CNTNAP2: variants seen among roughly 807,000 people sequenced by gnomAD.
CNTNAP2 encodes the protein contactin-associated protein-like 2.
A neutral mutation model predicts 155.2 loss-of-function variants in CNTNAP2; 98 were observed. The observed-to-expected ratio is 0.63, with a 90% CI of 0.54 to 0.75. The LOEUF (loss-of-function observed/expected upper bound fraction) is 0.75, where lower values mean the gene tolerates loss of function less well. Among genes scored for constraint, CNTNAP2 ranks in the 30% least tolerant of loss-of-function variants. The pLI, the probability that CNTNAP2 is intolerant of heterozygous loss-of-function variation, is 0.00. For synonymous variants in CNTNAP2, 651 were observed against 631.2 expected, an observed-to-expected ratio of 1.03 and a Z score of -0.47; for missense variants, 1,727 against 1,688.1, an observed-to-expected ratio of 1.02 and a Z score of -0.40.
At chr7:146,139,058 G>A (rs1797839414) in intron 1 of CNTNAP2, among the ~76,000 whole-genome samples, 1 of 152,112 alleles carries the variant, frequency 6.6e-6, no homozygotes, top group Non-Finnish European at 1.5e-5. Context: ...ACTGACATTA[G>A]CTTAAAACAA....
chr7:146,549,779 G>T (rs1798087066), intron 1 of CNTNAP2, among the ~76,000 whole-genome samples: 1 of 151,960 alleles, frequency 6.6e-6, no homozygotes, highest in Non-Finnish European at 1.5e-5. Context: ...AGATTGAAAG[G>T]ACATCAATAG....
At chr7:146,433,591 G>A (rs1796201306) in intron 1 of CNTNAP2, among the ~76,000 whole-genome samples, 1 of 152,176 alleles carries the variant, frequency 6.6e-6, no homozygotes, top group African/African-American at 2.4e-5. Context: ...GATCCAGAGA[G>A]TTCATCTATA....
intron 1 of CNTNAP2, among the ~76,000 whole-genome samples, chr7:146,454,841 C>T (rs1050996994): frequency 2.0e-5 from 3 of 151,894 alleles, no homozygotes; most frequent in Admixed American, 1.3e-4. Context: ...ATAATAAATA[C>T]ATATATATGT....
rs986359972 is a variant in CNTNAP2 at position 146,623,484 on chromosome 7, G to T, written c.98-150787G>T. 2.2e-4 allele frequency among the ~76,000 whole-genome samples: 34 copies of T among 152,196 alleles called. 1 individual carries two copies. Among genetic ancestry groups the T allele is most frequent in the African/African-American group, 6.5e-4 (27 of 41,530 alleles). On this transcript the variant is annotated intron_variant, in intron 1 of 23. Coordinates refer to ENST00000361727, the MANE Select transcript of CNTNAP2 (RefSeq NM_014141.6). ...ATAGGTGTACCCTCTCTGTAGTTTTGTCTGTTCCAGAATGTCATATAAATA... is the reference window on the plus strand; with the variant it reads ...ATAGGTGTACCCTCTCTGTAGTTTTTTCTGTTCCAGAATGTCATATAAATA...
intron 10 of CNTNAP2, among the ~76,000 whole-genome samples, chr7:147,449,203 C>T (rs146956896): frequency 4.6e-5 from 7 of 152,084 alleles, no homozygotes; most frequent in African/African-American, 9.6e-5. Flanking sequence ...GAAATCTTAG[C>T]AAAGTGCAAA....
chr7:146,766,596 T>C (rs1401222942), intron 1 of CNTNAP2, among the ~76,000 whole-genome samples: 2 of 152,146 alleles, frequency 1.3e-5, no homozygotes, highest in Non-Finnish European at 2.9e-5. Flanking sequence ...TTAATATCCT[T>C]TAGCTGTGAG....
At chr7:148,187,134 AC>A (rs1562988454) in intron 18 of CNTNAP2, among the ~76,000 whole-genome samples, 64 of 151,362 alleles carry the variant, frequency 4.2e-4, no homozygotes, top group African/African-American at 1.1e-3. Flanking sequence ...ACACACACAC[AC>A]ACACACACAC....
intron 10 of CNTNAP2, among the ~76,000 whole-genome samples, chr7:147,438,292 C>A (rs1797584553): frequency 6.6e-6 from 1 of 151,946 alleles, no homozygotes; most frequent in African/African-American, 2.4e-5. Context: ...TTCCTTCTAT[C>A]CCCAGTTTTT....
chr7:147,633,101 A>T (rs1031941918), intron 12 of CNTNAP2, among the ~76,000 whole-genome samples: 1 of 152,190 alleles, frequency 6.6e-6, no homozygotes, highest in African/African-American at 2.4e-5. Flanking sequence ...AGGAGGGAAA[A>T]ATCTTTTGTG....
intron 1 of CNTNAP2, among the ~76,000 whole-genome samples, chr7:146,723,866 T>C (rs1801381762): frequency 6.6e-6 from 1 of 152,218 alleles, no homozygotes. Context: ...TTGTTCCCAA[T>C]GCTCAGGTCT....
intron 11 of CNTNAP2, among the ~76,000 whole-genome samples, chr7:147,498,502 G>A (rs1798751967): frequency 6.6e-6 from 1 of 152,186 alleles, no homozygotes; most frequent in South Asian, 2.1e-4. Context: ...CTAGGTTTTT[G>A]AGCTAACACG....
At chr7:148,256,048 A>G (rs1050192237) in intron 20 of CNTNAP2, among the ~76,000 whole-genome samples, 1 of 152,094 alleles carries the variant, frequency 6.6e-6, no homozygotes, top group South Asian at 2.1e-4. Flanking sequence ...GAAATTGACA[A>G]TCTTATGGCT....
chr7:147,060,756 C>T (rs181432892), intron 4 of CNTNAP2, among the ~76,000 whole-genome samples: 108 of 152,072 alleles, frequency 7.1e-4, no homozygotes, highest in Non-Finnish European at 1.2e-3. Context: ...CCCAGCTACT[C>T]TGGAGGCTGA....
intron 1 of CNTNAP2, among the ~76,000 whole-genome samples, chr7:146,393,636 A>C (rs1040625950): frequency 6.6e-6 from 1 of 152,146 alleles, no homozygotes; most frequent in Non-Finnish European, 1.5e-5. Flanking sequence ...ACTGGAGCTG[A>C]AAGCCTCCTG....
chr7:147,944,136 A>G (rs1383224755), intron 14 of CNTNAP2, among the ~76,000 whole-genome samples: 2 of 152,196 alleles, frequency 1.3e-5, no homozygotes, highest in African/African-American at 4.8e-5. Context: ...TCGATCTTCT[A>G]TTCAATGGAA....
At chr7:146,846,184 CT>C (rs1803837232) in intron 3 of CNTNAP2, among the ~76,000 whole-genome samples, 2 of 152,112 alleles carry the variant, frequency 1.3e-5, no homozygotes, top group Non-Finnish European at 2.9e-5. Context: ...GAATGTGATT[CT>C]TTTCCCCAAA....
intron 1 of CNTNAP2, among the ~76,000 whole-genome samples, chr7:146,314,585 C>T (rs1800878218): frequency 1.3e-5 from 2 of 152,096 alleles, no homozygotes; most frequent in East Asian, 3.9e-4. Flanking sequence ...TTAAAAGTCA[C>T]CTTTTGTTCC....
chr7:146,409,867 C>T (rs1305548530), intron 1 of CNTNAP2, among the ~76,000 whole-genome samples: 2 of 152,146 alleles, frequency 1.3e-5, no homozygotes, highest in African/African-American at 4.8e-5. Context: ...ACATCCTTGA[C>T]ATTTACCACT....
At chr7:146,502,241 A>ATATG (rs1554441635) in intron 1 of CNTNAP2, among the ~76,000 whole-genome samples, 1 of 134,320 alleles carries the variant, frequency 7.4e-6, no homozygotes, top group Admixed American at 7.3e-5. Flanking sequence ...ATATATATAT[A>ATATG]TATATATATA....
Sources: gnomAD v4.1 joint callset for allele counts (sites outside exome capture counted in the v4.1 genomes callset) on GRCh38, gnomAD v4.1.1 for gene constraint, MANE v1.5 for transcripts, NCBI Gene and HGNC (gene_info 2026-07-23, HGNC 2026-07-21) for gene names.